The following ALMS1 variants were observed in gnomAD, a reference collection of about 807,000 sequenced individuals.
ALMS1 encodes the protein centrosome-associated protein ALMS1.
Under a neutral mutation model 352.2 loss-of-function variants are expected in ALMS1, and 271 were observed. That is an observed-to-expected ratio of 0.77 (90% CI 0.70 to 0.85). ALMS1 has a LOEUF of 0.85. Ranked by LOEUF, ALMS1 falls within the 40% of genes least tolerant of loss-of-function variation. The pLI, the probability that ALMS1 is intolerant of heterozygous loss-of-function variation, is 0.00. For missense variants in ALMS1, 5,445 were observed against 4,870.7 expected (o/e 1.12, Z -3.51); for synonymous variants, 1,865 against 1,761.2 (o/e 1.06, Z -1.48).
At chr2:73,550,517 CT>C in intron 13 of ALMS1, 80 bp downstream of exon 13, 7 of 1,556,760 alleles carry the variant, frequency 4.5e-6, no homozygotes, top group Non-Finnish European at 6.2e-6. Context: ...AATCTTTATC[CT>C]TTTTTTCTGT....
chr2:73,609,623 T>C lies in ALMS1; in HGVS notation c.*11T>C, dbSNP rs1425565725. 1 of 1,613,702 alleles carries C rather than the reference T, an allele frequency of 6.2e-7. No homozygotes were observed. The highest frequency in any genetic ancestry group is 1.7e-5 in the Admixed American group (1 of 60,038). ...GTTCCCTGGGACTGACACAAGTTTATTTTCCTCAGAGCCTTGGAATTCTAT... is the reference window on the plus strand; with the variant it reads ...GTTCCCTGGGACTGACACAAGTTTACTTTCCTCAGAGCCTTGGAATTCTAT... On this transcript the variant is annotated 3_prime_UTR_variant, in exon 23 of 23. Transcript: ENST00000613296.
At chr2:73,474,851 T>C (rs981431035) in intron 9 of ALMS1, among the ~76,000 whole-genome samples, 1 of 152,168 alleles carries the variant, frequency 6.6e-6, no homozygotes, top group African/African-American at 2.4e-5. Context: ...AGTTTATTTA[T>C]AGAATTTTAC....
intron 9 of ALMS1, among the ~76,000 whole-genome samples, chr2:73,472,447 TAATC>T (rs1276059508): frequency 6.6e-6 from 1 of 152,086 alleles, no homozygotes; most frequent in Non-Finnish European, 1.5e-5. Flanking sequence ...GCAATCAGCA[TAATC>T]AAAGTCAAAT....
rs748937913 is a variant in ALMS1 at position 73,448,569 on chromosome 2, A to C, written c.2042A>C (p.Gln681Pro). 1 of 1,613,762 alleles carries C rather than the reference A, an allele frequency of 6.2e-7. No individual in the cohort carries two copies. Among genetic ancestry groups the C allele is most frequent in the Non-Finnish European group, 8.5e-7 (1 of 1,179,924 alleles). ...HVEDLLFFYR[Q>P]TLPDGHLTDQ... ...GAGGACCTCCTCTTTTTCTATCGAC[A>C]GACCTTGCCAGATGGTCATCTAACT... The change falls in exon 8 of 23, where the codon CAG becomes CCG. Residue 681 changes from glutamine to proline, a missense_variant. Physicochemically the swap from Gln to Pro is moderately conservative, Grantham distance 76. Coordinates refer to ENST00000613296, the MANE Select transcript of ALMS1 (RefSeq NM_001378454.1).
chr2:73,516,384 G>A (rs1324085834), intron 10 of ALMS1, among the ~76,000 whole-genome samples: 1 of 152,180 alleles, frequency 6.6e-6, no homozygotes, highest in African/African-American at 2.4e-5. Flanking sequence ...GGAAAACTGT[G>A]GAGATTCCTT....
chr2:73,602,277 G>A lies in ALMS1; in HGVS notation c.12207G>A (p.Gln4069=). The part of the protein sequence containing the change: ...LKLIVQERKL[Q]SMLQTERDAL... ...TAATAGTCCAGGAGAGGAAGCTGCA[G>A]AGCATGTTACAGACCGAGCGGGATG... Residue 4069 remains glutamine (Q), a synonymous_variant, in exon 20 of 23, where the codon CAG becomes CAA. Coordinates refer to ENST00000613296, the MANE Select transcript of ALMS1 (RefSeq NM_001378454.1). The A allele has an allele frequency of 6.2e-7, 1 of 1,614,240 alleles. No homozygotes were observed. The highest frequency in any genetic ancestry group is 1.1e-5 in the South Asian group (1 of 91,088).
intron 9 of ALMS1, among the ~76,000 whole-genome samples, chr2:73,473,968 G>T (rs1189301923): frequency 6.6e-6 from 1 of 151,914 alleles, no homozygotes; most frequent in Non-Finnish European, 1.5e-5. Flanking sequence ...AATAATATTT[G>T]AAGAAATAAT....
intron 13 of ALMS1, among the ~76,000 whole-genome samples, chr2:73,552,831 T>G (rs1674467084): frequency 1.3e-5 from 2 of 152,094 alleles, no homozygotes; most frequent in Non-Finnish European, 2.9e-5. Flanking sequence ...ATATCATAAG[T>G]AAAATTCTCA....
chr2:73,440,954 A>G (rs571519218), intron 7 of ALMS1, among the ~76,000 whole-genome samples: 2 of 152,164 alleles, frequency 1.3e-5, no homozygotes, highest in East Asian at 1.9e-4. Flanking sequence ...ATTCTGGTCT[A>G]CTTCAGTGGT....
At chr2:73,585,593 ACTGT>A (rs888129426) in intron 16 of ALMS1, among the ~76,000 whole-genome samples, 211 of 150,882 alleles carry the variant, frequency 1.4e-3, no homozygotes, top group African/African-American at 5.0e-3. Flanking sequence ...ATGGGGTTTC[ACTGT>A]CTGAGCCAGG....
chr2:73,396,345 T>C (rs1670761416), intron 1 of ALMS1, among the ~76,000 whole-genome samples: 2 of 149,420 alleles, frequency 1.3e-5, no homozygotes, highest in Admixed American at 1.4e-4. Flanking sequence ...CACACGCTTG[T>C]ATTTTGTTTA....
chr2:73,473,890 C>T (rs1443847663), intron 9 of ALMS1, among the ~76,000 whole-genome samples: 1 of 147,920 alleles, frequency 6.8e-6, no homozygotes, highest in Non-Finnish European at 1.5e-5. Context: ...CCAAGCATAC[C>T]AACATATGCA....
chr2:73,563,694 GC>G (rs1674713457), intron 15 of ALMS1, among the ~76,000 whole-genome samples: 1 of 134,494 alleles, frequency 7.4e-6, no homozygotes, highest in Admixed American at 8.2e-5. Context: ...CTGCACTCCA[GC>G]CTGGGTGACA....
intron 10 of ALMS1, among the ~76,000 whole-genome samples, chr2:73,511,657 C>T (rs1673455388): frequency 6.6e-6 from 1 of 152,118 alleles, no homozygotes; most frequent in African/African-American, 2.4e-5. Flanking sequence ...ATTACATGAC[C>T]ATAAGTTTTT....
At chr2:73,480,043 G>A (rs1279258955) in intron 9 of ALMS1, among the ~76,000 whole-genome samples, 1 of 151,012 alleles carries the variant, frequency 6.6e-6, no homozygotes, top group Non-Finnish European at 1.5e-5. Flanking sequence ...TGTATCTTTT[G>A]CCCATTTTCT....
At chr2:73,438,634 A>G (rs1671653252) in intron 7 of ALMS1, among the ~76,000 whole-genome samples, 1 of 152,244 alleles carries the variant, frequency 6.6e-6, no homozygotes, top group South Asian at 2.1e-4. Context: ...ATTATGCCGT[A>G]AGAGTAGTTA....
chr2:73,477,761 A>G (rs1488737382), intron 9 of ALMS1, among the ~76,000 whole-genome samples: 1 of 151,974 alleles, frequency 6.6e-6, no homozygotes, highest in Non-Finnish European at 1.5e-5. Context: ...TTAAAAATTT[A>G]TTTTTGGATT....
chr2:73,395,441 A>C (rs1221564188), intron 1 of ALMS1, among the ~76,000 whole-genome samples: 5 of 152,090 alleles, frequency 3.3e-5, no homozygotes, highest in African/African-American at 9.7e-5. Flanking sequence ...AAATGTTCTG[A>C]TGTGGCATAC....
chr2:73,495,315 A>C (rs1231626133), intron 10 of ALMS1, among the ~76,000 whole-genome samples: 1 of 151,476 alleles, frequency 6.6e-6, no homozygotes, highest in African/African-American at 2.4e-5. Flanking sequence ...GCTCACTGCA[A>C]CCTCCACCTC....
Sources: gnomAD v4.1 joint callset for allele counts (sites outside exome capture counted in the v4.1 genomes callset) on GRCh38, gnomAD v4.1.1 for gene constraint, MANE v1.5 for transcripts, NCBI Gene and HGNC (gene_info 2026-07-23, HGNC 2026-07-21) for gene names.